SCML4: variants seen among roughly 807,000 people sequenced by gnomAD.
SCML4 encodes the protein sex comb on midleg-like protein 4.
Under a neutral mutation model 41.1 loss-of-function variants are expected in SCML4, and 34 were observed. The observed-to-expected ratio is 0.83, with a 90% CI of 0.63 to 1.10. The LOEUF is 1.10. SCML4 is among the 50% of genes least tolerant of loss of function. The pLI, the probability that SCML4 is intolerant of heterozygous loss-of-function variation, is 0.00. For missense variants in SCML4, 522 were observed against 534.1 expected (o/e 0.98, Z 0.22); for synonymous variants, 214 against 220.9 (o/e 0.97, Z 0.28).
chr6:107,767,436 T>C (rs1032955268), intron 2 of SCML4, among the ~76,000 whole-genome samples: 1 of 152,224 alleles, frequency 6.6e-6, no homozygotes, highest in Non-Finnish European at 1.5e-5. Flanking sequence ...CTCAAGTTTC[T>C]ACTTAAGTTC....
At chr6:107,839,680 A>C in the SCML4 span, among the ~76,000 whole-genome samples, 1 of 152,176 alleles carries the variant, frequency 6.6e-6, no homozygotes, top group Admixed American at 6.5e-5. Flanking sequence ...AAGACACAAA[A>C]AAGTAGAAAA....
chr6:107,824,642 T>C (rs1234925903), upstream of SCML4, among the ~76,000 whole-genome samples: 3 of 152,186 alleles, frequency 2.0e-5, no homozygotes. Context: ...ACCTGAATTA[T>C]GTCACAATGG....
At chr6:107,843,255 A>G in the SCML4 span, among the ~76,000 whole-genome samples, 80 of 152,240 alleles carry the variant, frequency 5.3e-4, no homozygotes, top group African/African-American at 1.8e-3. Flanking sequence ...TAGGTATATC[A>G]TTTTCAAACT....
chr6:107,823,782 C>T (rs79965712), intron 1 of SCML4, among the ~76,000 whole-genome samples: 4 of 151,958 alleles, frequency 2.6e-5, no homozygotes, highest in Non-Finnish European at 5.9e-5. Flanking sequence ...AATAACTAAC[C>T]GGTTACTTGA....
intron 1 of SCML4, among the ~76,000 whole-genome samples, chr6:107,805,817 C>G (rs1013381759): frequency 6.6e-6 from 1 of 152,192 alleles, no homozygotes; most frequent in Non-Finnish European, 1.5e-5. Flanking sequence ...AGAAACCAGC[C>G]TGGTTCTGAA....
the SCML4 span, among the ~76,000 whole-genome samples, chr6:107,829,339 G>A: frequency 1.3e-5 from 2 of 151,918 alleles, no homozygotes; most frequent in African/African-American, 2.4e-5. Context: ...AGTGAGCTGC[G>A]ATGGTGCCAC....
intron 2 of SCML4, among the ~76,000 whole-genome samples, chr6:107,751,643 T>TTTCTTTCTTTCTTTCC (rs1554211264): frequency 2.8e-5 from 4 of 144,376 alleles, no homozygotes; most frequent in African/African-American, 1.0e-4. Context: ...TCTTTCTTTC[T>TTTCTTTCTTTCTTTCC]TTCTTTTTTG....
chr6:107,749,040 A>C lies in SCML4; in HGVS notation c.286+644T>G, dbSNP rs1228010083. Among the ~76,000 whole-genome samples, 3 of 152,256 alleles carry C rather than the reference A, an allele frequency of 2.0e-5. No individual in the cohort carries two copies. In the East Asian group the frequency reaches 5.8e-4, roughly 29 times the overall value. ...GATTAACAAGTCTGGGCTTCATCTA[A>C]AAGCAATGGGAGGGACTGAAGGGAT... On this transcript the variant is annotated intron_variant, in intron 3 of 7. Transcript: ENST00000369020.
intron 6 of SCML4, among the ~76,000 whole-genome samples, chr6:107,717,065 C>T (rs1465922008): frequency 2.1e-5 from 3 of 145,680 alleles, no homozygotes; most frequent in Non-Finnish European, 4.5e-5. Flanking sequence ...TTTGGGAGGC[C>T]GAGGCAGGCA....
intron 1 of SCML4, among the ~76,000 whole-genome samples, chr6:107,782,832 G>T (rs1410832677): frequency 1.7e-4 from 21 of 123,728 alleles, no homozygotes; most frequent in African/African-American, 6.2e-4. Context: ...TTGCCTGATG[G>T]CAGGTGCTGG....
intron 6 of SCML4, among the ~76,000 whole-genome samples, chr6:107,715,069 G>A (rs1774632728): frequency 6.7e-6 from 1 of 150,334 alleles, no homozygotes; most frequent in Admixed American, 6.7e-5. Flanking sequence ...CCACCTCCCA[G>A]GTTCAAGCGA....
At chr6:107,802,592 A>AAGGC (rs1583624599) in intron 1 of SCML4, among the ~76,000 whole-genome samples, 1 of 123,140 alleles carries the variant, frequency 8.1e-6, no homozygotes, top group Non-Finnish European at 1.8e-5. Context: ...GGAAGGAAGG[A>AAGGC]AGGAAGGAAG....
the SCML4 span, among the ~76,000 whole-genome samples, chr6:107,842,585 G>GT: frequency 1.3e-5 from 2 of 152,164 alleles, no homozygotes; most frequent in Non-Finnish European, 2.9e-5. Flanking sequence ...TTGAGATGGG[G>GT]TTTTGCCATG....
At chr6:107,762,253 T>G (rs1779659109) in intron 2 of SCML4, among the ~76,000 whole-genome samples, 1 of 151,944 alleles carries the variant, frequency 6.6e-6, no homozygotes, top group African/African-American at 2.4e-5. Flanking sequence ...ACGCTTGACT[T>G]CCAATGAATG....
chr6:107,741,554 T>A (rs1465434636), intron 5 of SCML4, among the ~76,000 whole-genome samples: 1 of 152,224 alleles, frequency 6.6e-6, no homozygotes, highest in East Asian at 1.9e-4. Context: ...GCTTAGTTAC[T>A]TGCCCAAGGG....
chr6:107,837,407 C>G, the SCML4 span, among the ~76,000 whole-genome samples: 1 of 152,158 alleles, frequency 6.6e-6, no homozygotes, highest in Admixed American at 6.5e-5. Context: ...GCATTATGGT[C>G]CCTGACCCCA....
chr6:107,766,682 T>A (rs4946859), intron 2 of SCML4, among the ~76,000 whole-genome samples: 125 of 152,178 alleles, frequency 8.2e-4, no homozygotes, highest in African/African-American at 3.0e-3. Flanking sequence ...CAGATCCACC[T>A]CTGAGCCTCA....
At chr6:107,713,728 C>T (rs1774460939) in intron 6 of SCML4, among the ~76,000 whole-genome samples, 1 of 152,114 alleles carries the variant, frequency 6.6e-6, no homozygotes, top group African/African-American at 2.4e-5. Context: ...CTGCCCAGGC[C>T]CTCTTGGTTT....
intron 5 of SCML4, among the ~76,000 whole-genome samples, chr6:107,731,769 GGCAGGAGT>G (rs1195335093): frequency 4.6e-5 from 7 of 152,226 alleles, no homozygotes; most frequent in African/African-American, 1.7e-4. Flanking sequence ...GATTAGAAAA[GGCAGGAGT>G]GCAGTTCGCA....
Sources: allele counts gnomAD v4.1 joint callset (sites outside exome capture counted in the v4.1 genomes callset), GRCh38; gene constraint gnomAD v4.1.1; transcripts MANE v1.5; gene names NCBI Gene and HGNC (gene_info 2026-07-23, HGNC 2026-07-21).